EIF4G3: variants seen among roughly 807,000 people sequenced by gnomAD.
EIF4G3 encodes eukaryotic translation initiation factor 4 gamma 3.
EIF4G3 carries 34 observed loss-of-function variants against 186.4 expected under a neutral mutation model. The ratio of observed to expected loss-of-function variants is 0.18; its 90% CI spans 0.14 to 0.24. The LOEUF is 0.24. Among genes scored for constraint, EIF4G3 ranks in the 10% least tolerant of loss-of-function variants. EIF4G3 has a pLI of 1.00. For missense variants in EIF4G3, 1,536 were observed against 1,948.5 expected, an observed-to-expected ratio of 0.79 and a Z score of 3.99; for synonymous variants, 673 against 679.5, an observed-to-expected ratio of 0.99 and a Z score of 0.15.
At chr1:21,137,962 C>T (rs1330712375) in intron 2 of EIF4G3, among the ~76,000 whole-genome samples, 2 of 152,126 alleles carry the variant, frequency 1.3e-5, no homozygotes, top group Admixed American at 6.6e-5. Flanking sequence ...ATCCTAACTA[C>T]CTTGGGCACA....
intron 34 of EIF4G3, among the ~76,000 whole-genome samples, chr1:20,813,596 G>A (rs2154544065): frequency 6.6e-6 from 1 of 152,066 alleles, no homozygotes; most frequent in East Asian, 1.9e-4. Flanking sequence ...GCCAGGTGCA[G>A]TGGCTCATGC....
intron 2 of EIF4G3, among the ~76,000 whole-genome samples, chr1:21,101,576 C>CAAAAAAAAA (rs1557966778): frequency 3.3e-5 from 1 of 30,486 alleles, no homozygotes; most frequent in Non-Finnish European, 5.9e-5. Flanking sequence ...AAAAAAAAAA[C>CAAAAAAAAA]AACAAAAAAA....
chr1:20,939,116 T>TTA (rs374582920), intron 14 of EIF4G3, among the ~76,000 whole-genome samples: 96 of 129,710 alleles, frequency 7.4e-4, no homozygotes, highest in Non-Finnish European at 1.2e-3. Context: ...TAAAAAAAAT[T>TTA]AAAAAAAAAA....
Position 20,916,446 on chromosome 1 carries a change from C to CA in EIF4G3, c.1664-11476dup, listed in dbSNP as rs1236617759. Among the ~76,000 whole-genome samples, 554 of 132,008 alleles carry CA rather than the reference C, an allele frequency of 4.2e-3. 3 individuals are homozygous for CA. The highest frequency in any genetic ancestry group is 7.6e-3 in the Admixed American group (98 of 12,898). 86.6% of individuals were successfully genotyped at this position (132,008 alleles called of 152,430 possible). A position where few individuals can be genotyped will look rare whatever the true frequency, so the allele number is the denominator to read the frequency against. On this transcript the variant is annotated intron_variant, in intron 14 of 36. Coordinates refer to ENST00000602326, the MANE Select transcript of EIF4G3 (RefSeq NM_001391906.1). ...TGAGCAATAGAGAGAGACTCTGTCT[C>CA]AAAAAAAAAAACAAAAACAAAAACA...
Position 21,155,972 on chromosome 1 carries a change from CA to C in EIF4G3, c.-272+20202del, listed in dbSNP as rs574425794. On this transcript the variant is annotated intron_variant, in intron 2 of 36. Coordinates refer to ENST00000602326, the MANE Select transcript of EIF4G3 (RefSeq NM_001391906.1). ...TGAAACCCCATCTCTACTAAAAATACAAAAATTAGCTGGGCGTGGTGGCACA... is the reference window on the plus strand; with the variant it reads ...TGAAACCCCATCTCTACTAAAAATACAAAATTAGCTGGGCGTGGTGGCACA... Among the ~76,000 whole-genome samples, 12 of 151,880 alleles carry C rather than the reference CA, an allele frequency of 7.9e-5. No individual in the cohort carries two copies. The South Asian group carries it at 2.5e-3, about 32-fold the overall frequency.
At chr1:21,075,256 T>C (rs2095550312) in intron 3 of EIF4G3, among the ~76,000 whole-genome samples, 1 of 151,970 alleles carries the variant, frequency 6.6e-6, no homozygotes, top group South Asian at 2.1e-4. Flanking sequence ...ATATGTTGCC[T>C]ATAGGAAATT....
intron 14 of EIF4G3, among the ~76,000 whole-genome samples, chr1:20,920,722 A>G (rs2094425320): frequency 6.6e-6 from 1 of 152,046 alleles, no homozygotes; most frequent in Non-Finnish European, 1.5e-5. Context: ...TATTCTGACC[A>G]AAACTTCCAC....
chr1:21,001,586 G>A (rs1312947639), intron 5 of EIF4G3, among the ~76,000 whole-genome samples: 1 of 152,078 alleles, frequency 6.6e-6, no homozygotes, highest in Non-Finnish European at 1.5e-5. Context: ...AACAAAACTT[G>A]TATCAGACAT....
intron 27 of EIF4G3, among the ~76,000 whole-genome samples, chr1:20,852,459 A>G (rs1388055618): frequency 6.6e-6 from 1 of 152,220 alleles, no homozygotes; most frequent in Non-Finnish European, 1.5e-5. Context: ...TTTATTTAGA[A>G]TCTTTAAACA....
In EIF4G3 at chr1:20,851,428, G is replaced by A. The variant is rs1557915691; in HGVS notation, c.3602C>T (p.Thr1201Ile). Residue 1201 changes from threonine to isoleucine, a missense_variant, in exon 28 of 37, where the codon ACA becomes ATA. Thr to Ile is a moderately conservative substitution (Grantham distance 89). Coordinates refer to ENST00000602326, the MANE Select transcript of EIF4G3 (RefSeq NM_001391906.1). ...EKNDKPLPSA[T>I]ARPNTFMRGG... is the part of the protein sequence containing the mutation. ...CCTCATGAAAGTATTTGGCCGAGCT[G>A]TTGCAGATGGAAGGGGCTTGTCATT... is the stretch of plus-strand genomic sequence containing the variant. The A allele has an allele frequency of 1.9e-6, 3 of 1,614,144 alleles. No individual in the cohort carries two copies. Among genetic ancestry groups the A allele is most frequent in the Non-Finnish European group, 2.5e-6 (3 of 1,180,028 alleles).
intron 7 of EIF4G3, among the ~76,000 whole-genome samples, chr1:20,996,154 C>T (rs1452721894): frequency 1.3e-5 from 2 of 152,124 alleles, no homozygotes; most frequent in African/African-American, 4.8e-5. Flanking sequence ...ATGTGCCAAA[C>T]ACCCCGCTAA....
rs2093567634 is a variant in EIF4G3, at chr1:20,913,904, T to G, written c.1664-8933A>C. Among the ~76,000 whole-genome samples the G allele has an allele frequency of 2.6e-5, 4 of 150,956 alleles. No homozygotes were observed. In the South Asian group the frequency reaches 8.4e-4, roughly 32 times the overall value. The stretch of plus-strand genomic sequence containing the variant: ...TCACTGCAAGCTCCGCCTCCCGGGT[T>G]CACGCCATTCTCCTGCTTCAGCCTC... On this transcript the variant is annotated intron_variant, in intron 14 of 36. Coordinates refer to ENST00000602326, the MANE Select transcript of EIF4G3 (RefSeq NM_001391906.1).
At chr1:20,926,120 G>A (rs2094870385) in intron 14 of EIF4G3, among the ~76,000 whole-genome samples, 1 of 152,162 alleles carries the variant, frequency 6.6e-6, no homozygotes, top group East Asian at 1.9e-4. Flanking sequence ...ACTTTTGAAT[G>A]CTGAAGTCTA....
chr1:20,993,807 C>A (rs1455252472), intron 7 of EIF4G3, among the ~76,000 whole-genome samples: 1 of 152,086 alleles, frequency 6.6e-6, no homozygotes, highest in Admixed American at 6.6e-5. Context: ...CCAAAATATC[C>A]CAGGACATGA....
intron 7 of EIF4G3, among the ~76,000 whole-genome samples, 178 bp downstream of exon 7, chr1:20,997,423 A>G (rs1458060660): frequency 1.3e-5 from 2 of 152,202 alleles, no homozygotes; most frequent in Non-Finnish European, 2.9e-5. Context: ...ATTTGTTAAT[A>G]ACAAAATGCA....
At chr1:21,160,802 A>G (rs1378057400) in intron 2 of EIF4G3, among the ~76,000 whole-genome samples, 2 of 152,212 alleles carry the variant, frequency 1.3e-5, no homozygotes, top group Non-Finnish European at 2.9e-5. Flanking sequence ...GAATCCTGAA[A>G]CAGAAAAAGG....
At chr1:20,996,142 C>T (rs2082244090) in intron 7 of EIF4G3, among the ~76,000 whole-genome samples, 1 of 152,122 alleles carries the variant, frequency 6.6e-6, no homozygotes, top group Admixed American at 6.5e-5. Flanking sequence ...GTCCTAGTTA[C>T]TATGTGCCAA....
Position 20,807,352 on chromosome 1 carries a change from C to T in EIF4G3, c.4893G>A (p.Leu1631=). Residue 1631 remains leucine, a synonymous_variant, in exon 37 of 37, where the codon CTG becomes CTA. Coordinates refer to ENST00000602326, the MANE Select transcript of EIF4G3 (RefSeq NM_001391906.1). ...LKSVTAFFTW[L]REAEEESEDN ...CCTCAGACTCCTCTTCTGCTTCCCG[C>T]AGCCACGTGAAGAATGCCGTGACAG... 5 of 1,606,502 alleles carry T rather than the reference C, an allele frequency of 3.1e-6. No homozygotes were observed. Among genetic ancestry groups the T allele is most frequent in the Non-Finnish European group, 4.3e-6 (5 of 1,174,512 alleles).
intron 6 of EIF4G3, among the ~76,000 whole-genome samples, chr1:21,000,111 T>C (rs751427213): frequency 1.2e-4 from 17 of 146,890 alleles, no homozygotes; most frequent in Admixed American, 3.5e-4. Flanking sequence ...ATAGCTTCAC[T>C]ACTTTAGACA....
Sources: allele counts gnomAD v4.1 joint callset (sites outside exome capture counted in the v4.1 genomes callset), GRCh38; gene constraint gnomAD v4.1.1; transcripts MANE v1.5; gene names NCBI Gene and HGNC (gene_info 2026-07-23, HGNC 2026-07-21).